PASK: variants seen among roughly 807,000 people sequenced by gnomAD.
The protein encoded by PASK is PAS domain-containing serine/threonine-protein kinase.
A neutral mutation model predicts 121.0 loss-of-function variants in PASK; 110 were observed. The observed-to-expected ratio is 0.91, with a 90% CI of 0.78 to 1.06. The LOEUF is 1.06. Ranked by LOEUF, PASK falls within the 50% of genes least tolerant of loss-of-function variation. PASK has a pLI of 0.00. For missense variants in PASK, 1,643 were observed against 1,702.3 expected (o/e 0.97, Z 0.61); for synonymous variants, 686 against 717.8 (o/e 0.96, Z 0.71).
rs558610015 is a variant in PASK, at chr2:241,140,888, AAC to A, written c.197-137_197-136del. 3,658 of 706,948 alleles carry A rather than the reference AAC, an allele frequency of 5.2e-3. 14 individuals are homozygous for A. The highest frequency in any genetic ancestry group is 6.9e-3 in the Non-Finnish European group (2,615 of 381,254). 43.8% of individuals were successfully genotyped at this position (706,948 alleles called of 1,614,324 possible). A position where few individuals can be genotyped will look rare whatever the true frequency, so the allele number is the denominator to read the frequency against. On this transcript the variant is annotated intron_variant, in intron 2 of 17. Transcript: ENST00000234040. ...AAGGATTAAGTCAGTCTGCACAGCT[AAC>A]ACACACTCTCACTGCGTGTCTGAAC...
At position 241,106,450 on chromosome 2, in the gene PASK, GAGTTTTTAGAAGGTGA is replaced by G; in HGVS notation, c.*100_*115del. 1 of 1,023,216 alleles carries G rather than the reference GAGTTTTTAGAAGGTGA, an allele frequency of 9.8e-7. No homozygotes were observed. The highest frequency in any genetic ancestry group is 1.5e-6 in the Non-Finnish European group (1 of 648,062). The allele number at this position is 1,023,216 out of a possible 1,614,324, so 63.4% of individuals were successfully genotyped here. A position where few individuals can be genotyped will look rare whatever the true frequency, so the allele number is the denominator to read the frequency against. On this transcript the variant is annotated 3_prime_UTR_variant, in exon 18 of 18. Transcript: ENST00000234040. ...TCTGGTGTTTATCAAACCTGCACAT[GAGTTTTTAGAAGGTGA>G]ATTGGGGATGCTTCAGAATGTATTT... is the stretch of plus-strand genomic sequence containing the variant.
At chr2:241,142,424 G>A (rs975797435) in intron 2 of PASK, among the ~76,000 whole-genome samples, 5 of 152,232 alleles carry the variant, frequency 3.3e-5, no homozygotes, top group Non-Finnish European at 5.9e-5. Context: ...GGCACCAACA[G>A]ACTTCTGCCC....
chr2:241,133,035 C>T lies in PASK; in HGVS notation c.1307-5G>A. ...GCACGACATTAATCCTTGGATCTGG[C>T]AGCAACACCAAAAAAGAGCGTTTGC... On this transcript the variant is annotated splice_polypyrimidine_tract_variant and splice_region_variant and intron_variant, in intron 8 of 17. Transcript: ENST00000234040. 1 of 1,614,030 alleles carries T rather than the reference C, an allele frequency of 6.2e-7. No homozygotes were observed. Among genetic ancestry groups the T allele is most frequent in the Non-Finnish European group, 8.5e-7 (1 of 1,179,908 alleles).
chr2:241,125,585 G>A (rs2065815029), intron 10 of PASK, among the ~76,000 whole-genome samples: 1 of 137,894 alleles, frequency 7.3e-6, no homozygotes, highest in Non-Finnish European at 1.5e-5. Flanking sequence ...GGGCAACAGA[G>A]AGAGACTCTG....
chr2:241,136,526 GC>G (rs1409419633), intron 7 of PASK, among the ~76,000 whole-genome samples: 3 of 152,134 alleles, frequency 2.0e-5, no homozygotes, highest in Admixed American at 1.3e-4. Context: ...GCCAGAACCC[GC>G]TCTAACCTCA....
chr2:241,150,305 C>A, upstream of PASK: 2 of 1,336,698 alleles, frequency 1.5e-6, no homozygotes, highest in Non-Finnish European at 1.9e-6. Context: ...AAATTACCTG[C>A]TCTGGGGGAG....
intron 9 of PASK, among the ~76,000 whole-genome samples, chr2:241,132,581 A>C (rs2066214963): frequency 6.7e-6 from 1 of 150,272 alleles, no homozygotes; most frequent in Admixed American, 6.7e-5. Context: ...TGATTCCATC[A>C]GTTCTCTGAA....
chr2:241,129,342 C>T (rs962915906), intron 9 of PASK, among the ~76,000 whole-genome samples: 3 of 152,134 alleles, frequency 2.0e-5, no homozygotes, highest in East Asian at 1.9e-4. Context: ...CCTGGGTCCA[C>T]GGCCCTTCCA....
At chr2:241,131,624 C>A (rs1045936242) in intron 9 of PASK, among the ~76,000 whole-genome samples, 12 of 152,142 alleles carry the variant, frequency 7.9e-5, no homozygotes, top group African/African-American at 2.4e-4. Flanking sequence ...GGCAGTCTAA[C>A]CTCTGCCCTG....
Position 241,127,147 on chromosome 2 carries a change from C to T in PASK, c.1768G>A (p.Ala590Thr), listed in dbSNP as rs762100373. 5 of 1,613,966 alleles carry T rather than the reference C, an allele frequency of 3.1e-6. No homozygotes were observed. In the South Asian group the frequency reaches 4.4e-5, roughly 14 times the overall value. The change falls in exon 10 of 18, where the codon GCT becomes ACT. Residue 590 changes from alanine (A) to threonine (T), a missense_variant. This residue lies in a region of PASK where 1,176 missense variants were observed against 1,162.2 expected (regional missense o/e 1.01). Transcript: ENST00000234040. ...GPSGSDLWAG[A>T]AVAKPQAKGQ... Reference sequence around the variant, plus strand: ...TTGGCCTGGGGCTTGGCCACGGCAGCCCCAGCCCAAAGGTCTGAACCGCTG... The same window carrying T: ...TTGGCCTGGGGCTTGGCCACGGCAGTCCCAGCCCAAAGGTCTGAACCGCTG...
rs1186525772 is a variant in PASK at position 241,122,859 on chromosome 2, G to T, written c.2945C>A (p.Ala982Asp). The T allele has an allele frequency of 6.2e-7, 1 of 1,614,134 alleles. No homozygotes were observed. The highest frequency in any genetic ancestry group is 1.7e-5 in the Admixed American group (1 of 60,024). The change falls in exon 12 of 18, where the codon GCT (alanine) becomes GAT (aspartate). Residue 982 changes from alanine (A) to aspartate (D), a missense_variant. Around this residue, in one of 3 missense-constraint regions of PASK, gnomAD observed 453 missense variants for 511.2 expected, o/e 0.89. Transcript: ENST00000234040. ...ARPWFEEPPK[A>D]VELEGLAACE... ...GGCCGCCAACCCCTCCAGTTCCACA[G>T]CCTTGGGGGGCTCCTCAAACCAGGG... is the stretch of plus-strand genomic sequence containing the variant.
At chr2:241,133,742 G>A (rs1037296441) in intron 8 of PASK, 1 of 153,498 alleles carries the variant, frequency 6.5e-6, no homozygotes, top group Admixed American at 6.5e-5. Context: ...CAGCACTTTG[G>A]GAGACCGAGG....
At chr2:241,138,381 G>T (rs577521363) in intron 5 of PASK, among the ~76,000 whole-genome samples, 25 of 152,302 alleles carry the variant, frequency 1.6e-4, no homozygotes, top group Non-Finnish European at 2.6e-4. Flanking sequence ...CTACTATCCT[G>T]GGGGGTTTAC....
chr2:241,114,203 T>G, intron 14 of PASK: 1 of 985,120 alleles, frequency 1.0e-6, no homozygotes. Context: ...TGACCCTTTT[T>G]TGCAGAACCA....
At chr2:241,107,145 C>T (rs1349335255) in intron 17 of PASK, among the ~76,000 whole-genome samples, 1 of 152,168 alleles carries the variant, frequency 6.6e-6, no homozygotes, top group Non-Finnish European at 1.5e-5. Flanking sequence ...AAAGCCACAC[C>T]CTGAACCCCA....
chr2:241,132,299 T>C (rs6744143), intron 9 of PASK, among the ~76,000 whole-genome samples: 32,862 of 150,498 alleles, frequency 0.22, 4,078 homozygotes, highest in South Asian at 0.32. Context: ...CCAAGGCGGG[T>C]GGATAACAAA....
intron 2 of PASK, among the ~76,000 whole-genome samples, chr2:241,142,446 G>T (rs921683805): frequency 6.6e-6 from 1 of 152,178 alleles, no homozygotes; most frequent in Non-Finnish European, 1.5e-5. Context: ...ATGATTCTTG[G>T]TCCACCAGCT....
chr2:241,107,506 A>G lies in PASK; in HGVS notation c.3668-7T>C. On this transcript the variant is annotated splice_region_variant and splice_polypyrimidine_tract_variant and intron_variant, in intron 16 of 17. Coordinates refer to ENST00000234040, the MANE Select transcript of PASK (RefSeq NM_015148.4). ...GACACAAGGCTCATGAGTTCTGGGGACACAAAGAACACAGATGGTAGGTCC... is the reference window on the plus strand; with the variant it reads ...GACACAAGGCTCATGAGTTCTGGGGGCACAAAGAACACAGATGGTAGGTCC... 1 of 1,613,360 alleles carries G rather than the reference A, an allele frequency of 6.2e-7. No homozygotes were observed. The highest frequency in any genetic ancestry group is 1.1e-5 in the South Asian group (1 of 91,054).
At chr2:241,130,744 CAA>C (rs994635275) in intron 9 of PASK, among the ~76,000 whole-genome samples, 1 of 152,164 alleles carries the variant, frequency 6.6e-6, no homozygotes, top group African/African-American at 2.4e-5. Flanking sequence ...GCTAAGCAAA[CAA>C]GAGAAAGCAC....
Sources: allele counts gnomAD v4.1 joint callset (sites outside exome capture counted in the v4.1 genomes callset), GRCh38; gene constraint gnomAD v4.1.1; regional missense constraint gnomAD v4.1.1; transcripts MANE v1.5; gene names NCBI Gene and HGNC (gene_info 2026-07-23, HGNC 2026-07-21).